PSORS1C1: variants seen among roughly 807,000 people sequenced by gnomAD.
PSORS1C1 encodes the protein psoriasis susceptibility 1 candidate 1, also known as psoriasis susceptibility 1 candidate gene 1 protein.
In PSORS1C1, 7 loss-of-function variants were observed where a neutral mutation model predicts 9.4. That is an observed-to-expected ratio of 0.75 (90% CI 0.42 to 1.40). PSORS1C1 has a LOEUF of 1.40. PSORS1C1 is among the 40% of genes most tolerant of loss of function. The pLI is 0.01. For missense variants in PSORS1C1, 146 were observed against 178.1 expected (o/e 0.82, Z 1.02); for synonymous variants, 63 against 69.4 (o/e 0.91, Z 0.46).
intron 1 of PSORS1C1, chr6:31,117,807 T>G: frequency 4.3e-6 from 2 of 468,490 alleles, no homozygotes; most frequent in East Asian, 4.3e-5. Flanking sequence ...ATACATTGAA[T>G]ATAAGAGGGG....
chr6:31,136,702 C>T (rs1773155547), intron 3 of PSORS1C1, among the ~76,000 whole-genome samples: 1 of 151,600 alleles, frequency 6.6e-6, no homozygotes, highest in Non-Finnish European at 1.5e-5. Context: ...GAAATGTGGG[C>T]CTGAATGTTA....
intron 2 of PSORS1C1, among the ~76,000 whole-genome samples, chr6:31,126,121 C>T (rs1469472643): frequency 6.6e-6 from 1 of 152,212 alleles, no homozygotes. Flanking sequence ...ACTCATGCAA[C>T]ACCCTGTGCA....
At chr6:31,131,127 C>T (rs1772892674) in intron 3 of PSORS1C1, among the ~76,000 whole-genome samples, 1 of 152,202 alleles carries the variant, frequency 6.6e-6, no homozygotes, top group Non-Finnish European at 1.5e-5. Context: ...TTCCCCCGAC[C>T]TGTCTCTCCA....
chr6:31,124,173 C>A (rs190279433), intron 1 of PSORS1C1, among the ~76,000 whole-genome samples: 2 of 152,088 alleles, frequency 1.3e-5, no homozygotes, highest in Non-Finnish European at 2.9e-5. Context: ...GGGAACCAAA[C>A]GGCTTTGAAT....
At chr6:31,133,418 T>G (rs1203663596) in intron 3 of PSORS1C1, 2 of 152,264 alleles carry the variant, frequency 1.3e-5, no homozygotes, top group African/African-American at 4.8e-5. Flanking sequence ...GCGCAAGGGC[T>G]GGTCCCTAGA....
At chr6:31,135,721 T>C (rs906496545) in intron 3 of PSORS1C1, among the ~76,000 whole-genome samples, 2 of 152,092 alleles carry the variant, frequency 1.3e-5, no homozygotes, top group Non-Finnish European at 2.9e-5. Context: ...TAACCAAAAC[T>C]AGGAATATTC....
intron 2 of PSORS1C1, among the ~76,000 whole-genome samples, chr6:31,126,669 G>T (rs146216228): frequency 6.6e-6 from 1 of 152,180 alleles, no homozygotes; most frequent in African/African-American, 2.4e-5. Flanking sequence ...CACTGCAGCC[G>T]GCACTTGGGA....
chr6:31,118,027 G>C lies in PSORS1C1; in HGVS notation c.-229+3136G>C, dbSNP rs189638635. On this transcript the variant is annotated intron_variant, in intron 1 of 5. Transcript: ENST00000259881. ...AAAGAAAGGACCCTGAAGAGACAGA[G>C]AATTGGGGAAACTGAGGCTCTGAGG... 396 of 162,602 alleles carry C rather than the reference G, an allele frequency of 2.4e-3. 3 individuals carry two copies. The highest frequency in any genetic ancestry group is 6.0e-3 in the East Asian group (34 of 5,624). 10.1% of individuals were successfully genotyped at this position (162,602 alleles called of 1,614,324 possible). A position where few individuals can be genotyped will look rare whatever the true frequency, so the allele number is the denominator to read the frequency against.
At chr6:31,120,389 G>A (rs371644590) in intron 1 of PSORS1C1, 46 of 1,593,080 alleles carry the variant, frequency 2.9e-5, no homozygotes, top group Non-Finnish European at 3.8e-5. Context: ...CCACCCACAC[G>A]CCCCATCCAG....
chr6:31,123,964 C>A (rs1772570451), intron 1 of PSORS1C1, among the ~76,000 whole-genome samples: 2 of 152,188 alleles, frequency 1.3e-5, no homozygotes, highest in African/African-American at 4.8e-5. Flanking sequence ...ACAGAGCAGG[C>A]AGCCAGACGT....
intron 2 of PSORS1C1, among the ~76,000 whole-genome samples, chr6:31,126,737 G>A (rs1772697068): frequency 6.6e-6 from 1 of 152,176 alleles, no homozygotes; most frequent in African/African-American, 2.4e-5. Context: ...GAAAGAGGAG[G>A]AATTTGGCAA....
chr6:31,139,987 T>A lies in PSORS1C1; in HGVS notation c.*55T>A. On this transcript the variant is annotated 3_prime_UTR_variant, in exon 6 of 6. Transcript: ENST00000259881. The surrounding 1 kb of genome is among the most constrained non-coding windows in gnomAD (Gnocchi z 5.2). ...CCTCAAGGACCTTTCTGCCTGGAAGTCTGTTAGCCTTTCAGAAGTAACATG... is the reference window on the plus strand; with the variant it reads ...CCTCAAGGACCTTTCTGCCTGGAAGACTGTTAGCCTTTCAGAAGTAACATG... 1 of 1,507,836 alleles carries A rather than the reference T, an allele frequency of 6.6e-7. No individual in the cohort carries two copies. Among genetic ancestry groups the A allele is most frequent in the Non-Finnish European group, 9.1e-7 (1 of 1,097,326 alleles). 93.4% of individuals were successfully genotyped at this position (1,507,836 alleles called of 1,614,324 possible).
At chr6:31,117,285 C>T (rs763109241) in intron 1 of PSORS1C1, 5 of 1,598,950 alleles carry the variant, frequency 3.1e-6, no homozygotes, top group Non-Finnish European at 4.3e-6. Context: ...GGGAATACCC[C>T]GTTCCTGGCT....
At chr6:31,117,057 T>C in intron 1 of PSORS1C1, 2 of 1,614,216 alleles carry the variant, frequency 1.2e-6, no homozygotes, top group Non-Finnish European at 1.7e-6. Context: ...AAGGGTTTAG[T>C]ATTCCGCGGT....
At chr6:31,117,788 C>T in intron 1 of PSORS1C1, 1 of 513,256 alleles carries the variant, frequency 1.9e-6, no homozygotes, top group Non-Finnish European at 3.5e-6. Context: ...AGTGAGTGGC[C>T]TCAAAGGAAT....
intron 3 of PSORS1C1, among the ~76,000 whole-genome samples, chr6:31,130,477 C>T (rs1353660599): frequency 6.6e-6 from 1 of 151,644 alleles, no homozygotes; most frequent in Non-Finnish European, 1.5e-5. Flanking sequence ...AGTGGTGCGA[C>T]CTCGGCTCAC....
At chr6:31,133,903 A>G (rs180992767) in intron 3 of PSORS1C1, among the ~76,000 whole-genome samples, 166 of 152,336 alleles carry the variant, frequency 1.1e-3, no homozygotes, top group African/African-American at 3.9e-3. Context: ...GGCTCAACCT[A>G]CAATTCTTAT....
intron 1 of PSORS1C1, chr6:31,116,692 A>T (rs2053590532): frequency 4.3e-6 from 7 of 1,612,624 alleles, no homozygotes; most frequent in Non-Finnish European, 5.9e-6. Flanking sequence ...CATGCCTGGA[A>T]CCAGATAACT....
chr6:31,134,527 G>A (rs182349224), intron 3 of PSORS1C1, among the ~76,000 whole-genome samples: 74 of 151,962 alleles, frequency 4.9e-4, no homozygotes, highest in Middle Eastern at 3.4e-3. Context: ...GGATGGTCTC[G>A]ATCTCCTGAC....
Sources: allele counts gnomAD v4.1 joint callset (sites outside exome capture counted in the v4.1 genomes callset), GRCh38; gene constraint gnomAD v4.1.1; non-coding constraint Gnocchi (gnomAD v3.1); transcripts MANE v1.5; gene names NCBI Gene and HGNC (gene_info 2026-07-23, HGNC 2026-07-21).